Variants in NFATC2IP observed in about 807,000 individuals in gnomAD.
NFATC2IP encodes nuclear factor of activated T cells 2 interacting protein.
In NFATC2IP, 25 loss-of-function variants were observed where a neutral mutation model predicts 40.2. The ratio of observed to expected loss-of-function variants is 0.62; its 90% confidence interval spans 0.45 to 0.87. The LOEUF (loss-of-function observed/expected upper bound fraction) is 0.87, where lower values mean the gene tolerates loss of function less well. NFATC2IP is among the 40% of genes least tolerant of loss of function. The pLI is 0.00. For synonymous variants in NFATC2IP, 241 were observed against 236.3 expected (o/e 1.02, Z -0.18); for missense variants, 553 against 555.6 (o/e 1.00, Z 0.05).
chr16:28,951,093 C>T lies in NFATC2IP; in HGVS notation c.82C>T (p.Arg28Trp). The T allele has an allele frequency of 1.9e-6, 3 of 1,542,470 alleles. No individual in the cohort carries two copies. The highest frequency in any genetic ancestry group is 2.6e-6 in the Non-Finnish European group (3 of 1,142,942). Residue 28 changes from arginine to tryptophan, a missense_variant, in exon 1 of 8, where the codon CGG becomes TGG. Transcript: ENST00000320805. Reference sequence around the variant, plus strand: ...AGGGGGTCGGGGCGGCTGGGGCGGTCGGGGCCGGCGTCCTCGGGCCCAGCG... The same window carrying T: ...AGGGGGTCGGGGCGGCTGGGGCGGTTGGGGCCGGCGTCCTCGGGCCCAGCG... ...GRGGRGGWGGRGRRPRAQRSP... is the reference protein window; with the variant it reads ...GRGGRGGWGGWGRRPRAQRSP...
chr16:28,955,533 C>G (rs1965010694), intron 3 of NFATC2IP, among the ~76,000 whole-genome samples: 1 of 152,190 alleles, frequency 6.6e-6, no homozygotes, highest in African/African-American at 2.4e-5. Context: ...GGCTTTCCCT[C>G]TCCCCTACCC....
In NFATC2IP at chr16:28,958,857, C is replaced by A. The variant is rs1351866244; in HGVS notation, c.987C>A (p.Ile329=). ...CCCTAAAGCTCGGAGTGGCTGACATCATTGGTGAGAGGAAGGCAGGGAGGT... is the reference window on the plus strand; with the variant it reads ...CCCTAAAGCTCGGAGTGGCTGACATAATTGGTGAGAGGAAGGCAGGGAGGT... ...PRTLKLGVAD[I]IDCVVLTSSP... The change falls in exon 6 of 8, where the codon ATC becomes ATA. Residue 329 remains isoleucine, a synonymous_variant. Coordinates refer to ENST00000320805, the MANE Select transcript of NFATC2IP (RefSeq NM_032815.4). 1.2e-6 allele frequency: 2 copies of A among 1,613,664 alleles called. No individual in the cohort carries two copies. Among genetic ancestry groups the A allele is most frequent in the East Asian group, 4.5e-5 (2 of 44,886 alleles).
intron 7 of NFATC2IP, among the ~76,000 whole-genome samples, chr16:28,960,761 C>T (rs1965076549): frequency 1.3e-5 from 2 of 152,138 alleles, no homozygotes; most frequent in South Asian, 2.1e-4. Flanking sequence ...TTGTAGTGAG[C>T]CATGATTGCG....
rs760367264 is a variant in NFATC2IP at position 28,958,821 on chromosome 16, C to A, written c.951C>A (p.Ala317=). Residue 317 remains alanine (A), a synonymous_variant, in exon 6 of 8, where the codon GCC becomes GCA. Transcript: ENST00000320805. Reference sequence around the variant, plus strand: ...GAGAGACAGAGCTATCACCTACTGCCACTCCCAGGACCCTAAAGCTCGGAG... The same window carrying A: ...GAGAGACAGAGCTATCACCTACTGCAACTCCCAGGACCCTAAAGCTCGGAG... ...LFGETELSPT[A]TPRTLKLGVA... is the part of the protein sequence containing the mutation. The A allele has an allele frequency of 4.3e-6, 7 of 1,613,986 alleles. No homozygotes were observed. The African/African-American group carries it at 9.3e-5, about 22-fold the overall frequency.
chr16:28,951,092 T>C lies in NFATC2IP; in HGVS notation c.81T>C (p.Gly27=). Residue 27 remains glycine, a synonymous_variant, in exon 1 of 8, where the codon GGT becomes GGC. Coordinates refer to ENST00000320805, the MANE Select transcript of NFATC2IP (RefSeq NM_032815.4). ...AGRGGRGGWG[G]RGRRPRAQRS... ...GAGGGGGTCGGGGCGGCTGGGGCGG[T>C]CGGGGCCGGCGTCCTCGGGCCCAGC... 6.5e-7 allele frequency: 1 copy of C among 1,536,922 alleles called. No individual in the cohort carries two copies. The highest frequency in any genetic ancestry group is 8.8e-7 in the Non-Finnish European group (1 of 1,140,180).
In NFATC2IP at chr16:28,964,594, T is replaced by C. The variant is rs1361992526; in HGVS notation, c.*731T>C. 2 of 152,394 alleles carry C rather than the reference T, an allele frequency of 1.3e-5. No individual in the cohort carries two copies. Among genetic ancestry groups the C allele is most frequent in the East Asian group, 3.7e-4 (2 of 5,344 alleles). 9.4% of individuals were successfully genotyped at this position (152,394 alleles called of 1,614,324 possible). Reference sequence around the variant, plus strand: ...CCCATGCAAAGATTCTCTGGTTTTATGGCTTTTTTCCCTTTCTTTACACCA... The same window carrying C: ...CCCATGCAAAGATTCTCTGGTTTTACGGCTTTTTTCCCTTTCTTTACACCA... On this transcript the variant is annotated 3_prime_UTR_variant, in exon 8 of 8. Transcript: ENST00000320805.
chr16:28,959,746 T>C (rs2141646084), intron 7 of NFATC2IP, among the ~76,000 whole-genome samples: 1 of 152,172 alleles, frequency 6.6e-6, no homozygotes, highest in Non-Finnish European at 1.5e-5. Context: ...TTTTGCATTT[T>C]TAGTAGAGAC....
At chr16:28,957,839 T>C (rs1596729570) in intron 5 of NFATC2IP, 2 of 152,054 alleles carry the variant, frequency 1.3e-5, no homozygotes, top group Admixed American at 1.3e-4. Flanking sequence ...CATACAAAGG[T>C]CCAGATTTCT....
intron 1 of NFATC2IP, 60 bp from the exon 2 acceptor site, chr16:28,952,072 T>G: frequency 6.2e-7 from 1 of 1,608,284 alleles, no homozygotes; most frequent in Non-Finnish European, 8.5e-7. Flanking sequence ...TACCCCCAAT[T>G]TTTTCTTTCG....
Position 28,951,198 on chromosome 16 carries a change from A to G in NFATC2IP, c.187A>G (p.Thr63Ala), listed in dbSNP as rs780910139. Residue 63 changes from threonine (T) to alanine (A), a missense_variant, in exon 1 of 8, where the codon ACC (threonine) becomes GCC (alanine). Physicochemically the swap from Thr to Ala is moderately conservative, Grantham distance 58. Transcript: ENST00000320805. ...CGATGAGGAAATTCTGGAGGTCGCC[A>G]CCGCTCGCGGTGCCGCGGACGAGGT... The part of the protein sequence containing the change: ...DSDEEILEVA[T>A]ARGAADEVEV... 3 of 1,538,652 alleles carry G rather than the reference A, an allele frequency of 1.9e-6. No individual in the cohort carries two copies. The highest frequency in any genetic ancestry group is 2.8e-5 in the African/African-American group (2 of 72,032).
At chr16:28,953,489 G>A (rs1262326847) in intron 2 of NFATC2IP, among the ~76,000 whole-genome samples, 1 of 152,218 alleles carries the variant, frequency 6.6e-6, no homozygotes, top group East Asian at 1.9e-4. Flanking sequence ...AATATAGAGA[G>A]AGCTGCCTCT....
chr16:28,958,603 A>G (rs1965047819), intron 5 of NFATC2IP, 114 bp from the exon 6 acceptor site: 1 of 874,830 alleles, frequency 1.1e-6, no homozygotes, highest in Non-Finnish European at 1.8e-6. Context: ...GATGAAACTC[A>G]CAGCTGAGGA....
intron 7 of NFATC2IP, among the ~76,000 whole-genome samples, chr16:28,959,655 C>T (rs1276206749): frequency 6.6e-6 from 1 of 150,538 alleles, no homozygotes; most frequent in Non-Finnish European, 1.5e-5. Context: ...TCACTGCAGC[C>T]TCTGCCTTCC....
intron 7 of NFATC2IP, among the ~76,000 whole-genome samples, chr16:28,959,571 A>ATTTTTTTTTTTTTT (rs61432973): frequency 8.7e-6 from 1 of 114,644 alleles, no homozygotes; most frequent in Non-Finnish European, 1.7e-5. Context: ...TGGTGCAGTC[A>ATTTTTTTTTTTTTT]TTTTTTTTTT....
intron 3 of NFATC2IP, among the ~76,000 whole-genome samples, chr16:28,955,162 C>T (rs1178686852): frequency 6.6e-6 from 1 of 152,082 alleles, no homozygotes; most frequent in Non-Finnish European, 1.5e-5. Flanking sequence ...CCACTATACT[C>T]CAGCCTGGGT....
chr16:28,951,867 G>A (rs914293782), intron 1 of NFATC2IP, among the ~76,000 whole-genome samples: 1 of 152,056 alleles, frequency 6.6e-6, no homozygotes, highest in African/African-American at 2.4e-5. Context: ...AGAGTCAGGG[G>A]TAGAGGGGCG....
intron 2 of NFATC2IP, 63 bp downstream of exon 2, chr16:28,952,267 G>T (rs772101199): frequency 6.2e-7 from 1 of 1,606,720 alleles, no homozygotes; most frequent in Non-Finnish European, 8.5e-7. Flanking sequence ...AATTCCTGGG[G>T]TTTATATTCC....
chr16:28,963,859 G>A lies in NFATC2IP; in HGVS notation c.1256G>A (p.Gly419Asp), dbSNP rs760234437. ...MESGDLIEVW[G>D] ...TCTGGGGACCTCATTGAGGTCTGGG[G>A]CTGACACCCCACTCCCTGTTTGACG... is the stretch of plus-strand genomic sequence containing the variant. The change falls in exon 8 of 8, where the codon GGC becomes GAC. Residue 419 changes from glycine to aspartate, a missense_variant. Physicochemically the swap from Gly to Asp is moderately conservative, Grantham distance 94 (BLOSUM62 -1). Transcript: ENST00000320805. 6.2e-7 allele frequency: 1 copy of A among 1,614,134 alleles called. No homozygotes were observed. Among genetic ancestry groups the A allele is most frequent in the Admixed American group, 1.7e-5 (1 of 60,014 alleles).
chr16:28,957,722 C>T (rs774306367), intron 5 of NFATC2IP: 13 of 152,120 alleles, frequency 8.5e-5, no homozygotes, highest in Non-Finnish European at 1.9e-4. Flanking sequence ...AAGCAAACCT[C>T]CCGCCTCGGC....
Sources: gnomAD v4.1 joint callset for allele counts (sites outside exome capture counted in the v4.1 genomes callset) on GRCh38, gnomAD v4.1.1 for gene constraint, MANE v1.5 for transcripts, NCBI Gene and HGNC (gene_info 2026-07-23, HGNC 2026-07-21) for gene names.